PCLO: variants seen among roughly 807,000 people sequenced by gnomAD.
PCLO encodes protein piccolo.
Under a neutral mutation model 427.5 loss-of-function variants are expected in PCLO, and 82 were observed. The ratio of observed to expected loss-of-function variants is 0.19; its 90% confidence interval spans 0.16 to 0.23. The LOEUF (loss-of-function observed/expected upper bound fraction) is 0.23, where lower values mean the gene tolerates loss of function less well. PCLO is among the 10% of genes least tolerant of loss of function. The pLI, the probability that PCLO is intolerant of heterozygous loss-of-function variation, is 1.00. For synonymous variants in PCLO, 2,357 were observed against 2,155.4 expected (o/e 1.09, Z -2.59); for missense variants, 6,239 against 6,115.9 (o/e 1.02, Z -0.67).
intron 6 of PCLO, among the ~76,000 whole-genome samples, chr7:82,945,042 A>T (rs924481288): frequency 6.6e-6 from 1 of 152,184 alleles, no homozygotes; most frequent in Non-Finnish European, 1.5e-5. Context: ...ATGAAAATAC[A>T]GTATTACTAA....
chr7:82,877,598 T>A (rs1793404025), intron 10 of PCLO, among the ~76,000 whole-genome samples: 1 of 152,192 alleles, frequency 6.6e-6, no homozygotes, highest in Non-Finnish European at 1.5e-5. Context: ...TTCCTTTCAT[T>A]GAGCTATCTG....
At chr7:82,905,620 C>T (rs1794171021) in intron 8 of PCLO, among the ~76,000 whole-genome samples, 1 of 151,968 alleles carries the variant, frequency 6.6e-6, no homozygotes, top group Non-Finnish European at 1.5e-5. Context: ...TCAGGGGAGT[C>T]TTCTTGCATC....
chr7:83,126,671 A>C (rs554980526), intron 3 of PCLO, among the ~76,000 whole-genome samples: 75 of 152,104 alleles, frequency 4.9e-4, no homozygotes, highest in Non-Finnish European at 9.0e-4. Flanking sequence ...TAAATTGATA[A>C]AGATTTAAAT....
At chr7:82,789,043 A>G (rs1254327281) in intron 22 of PCLO, among the ~76,000 whole-genome samples, 1 of 152,054 alleles carries the variant, frequency 6.6e-6, no homozygotes, top group Non-Finnish European at 1.5e-5. Context: ...TAAATACTTT[A>G]TTAAGAAAAC....
At chr7:83,068,573 C>T (rs372100890) in intron 3 of PCLO, among the ~76,000 whole-genome samples, 3 of 151,938 alleles carry the variant, frequency 2.0e-5, no homozygotes, top group African/African-American at 7.3e-5. Context: ...ATCAAAATTA[C>T]GAATAAGATA....
chr7:82,953,690 G>A lies in PCLO; in HGVS notation c.7263C>T (p.Pro2421=), dbSNP rs1562880056. The change falls in exon 5 of 25, where the codon CCC becomes CCT. Residue 2421 remains proline (P), a synonymous_variant. Transcript: ENST00000333891. ...GTGGAGGAAGTGGTGGGGGAGGAGGGGGTGGTGGTGGAGGAGGAGGAGGAG... is the reference window on the plus strand; with the variant it reads ...GTGGAGGAAGTGGTGGGGGAGGAGGAGGTGGTGGTGGAGGAGGAGGAGGAG... ...PPPPPPPPPP[P]PPPPPLPPPT... The A allele has an allele frequency of 5.6e-6, 6 of 1,068,044 alleles. No homozygotes were observed. Among genetic ancestry groups the A allele is most frequent in the Admixed American group, 2.1e-5 (1 of 47,034 alleles). The allele number at this position is 1,068,044 out of a possible 1,614,324, so 66.2% of individuals were successfully genotyped here.
intron 3 of PCLO, among the ~76,000 whole-genome samples, chr7:83,127,185 TACA>T (rs1486206113): frequency 2.0e-5 from 3 of 152,032 alleles, no homozygotes; most frequent in Admixed American, 2.0e-4. Flanking sequence ...ACCTTATAAA[TACA>T]ACGATACCTT....
chr7:82,761,659 T>G, intron 22 of PCLO, among the ~76,000 whole-genome samples, 166 bp from the exon 23 acceptor site: 1 of 152,180 alleles, frequency 6.6e-6, no homozygotes, highest in Middle Eastern at 3.4e-3. Flanking sequence ...TCTGTATATT[T>G]ATTTACAGGT....
intron 6 of PCLO, among the ~76,000 whole-genome samples, chr7:82,944,137 T>TAAAAAAAAAAAA: frequency 3.0e-5 from 1 of 33,890 alleles, no homozygotes; most frequent in Non-Finnish European, 5.1e-5. Flanking sequence ...CAAGAATCCA[T>TAAAAAAAAAAAA]AAAAAAAAAA....
At chr7:83,029,966 T>G (rs1304940822) in intron 3 of PCLO, among the ~76,000 whole-genome samples, 5 of 72,744 alleles carry the variant, frequency 6.9e-5, no homozygotes, top group South Asian at 5.7e-4. Context: ...TGTTGTGGGG[T>G]GGGGGGAGGG....
chr7:82,800,246 A>C (rs768590053), intron 22 of PCLO, among the ~76,000 whole-genome samples: 26 of 152,324 alleles, frequency 1.7e-4, no homozygotes, highest in Admixed American at 5.9e-4. Flanking sequence ...TAGACCCAGC[A>C]TTTGTCAGAT....
rs1000204147 is a variant in PCLO, at chr7:82,946,244, C to T, written c.11112+3232G>A. Among the ~76,000 whole-genome samples, 3 of 152,060 alleles carry T rather than the reference C, an allele frequency of 2.0e-5. No homozygotes were observed. The South Asian group carries it at 6.2e-4, about 31-fold the overall frequency. ...AGAGTCTTTTCAATATAAATCTTTT[C>T]CCATTCCTTCTATGATTATAATCTT... On this transcript the variant is annotated intron_variant, in intron 6 of 24. Coordinates refer to ENST00000333891, the MANE Select transcript of PCLO (RefSeq NM_033026.6).
intron 3 of PCLO, among the ~76,000 whole-genome samples, chr7:83,022,897 T>A (rs1788381134): frequency 6.6e-6 from 1 of 152,330 alleles, no homozygotes; most frequent in South Asian, 2.1e-4. Flanking sequence ...GGACAAAAGT[T>A]GAAACATAAT....
intron 8 of PCLO, among the ~76,000 whole-genome samples, chr7:82,906,147 T>G (rs572937424): frequency 6.6e-6 from 1 of 152,068 alleles, no homozygotes; most frequent in African/African-American, 2.4e-5. Flanking sequence ...TTTTTATAAT[T>G]AATATGATTG....
chr7:83,107,171 A>T (rs780270745), intron 3 of PCLO, among the ~76,000 whole-genome samples: 2 of 152,176 alleles, frequency 1.3e-5, no homozygotes, highest in Non-Finnish European at 2.9e-5. Flanking sequence ...CCGGGTGATA[A>T]GCATAGTACC....
At chr7:83,045,590 G>A (rs965775277) in intron 3 of PCLO, among the ~76,000 whole-genome samples, 1 of 152,050 alleles carries the variant, frequency 6.6e-6, no homozygotes, top group Non-Finnish European at 1.5e-5. Flanking sequence ...CTATTAGTAA[G>A]TTCTTTAGTT....
chr7:82,816,054 A>T (rs527289572), intron 20 of PCLO, among the ~76,000 whole-genome samples: 169 of 152,216 alleles, frequency 1.1e-3, no homozygotes, highest in African/African-American at 3.8e-3. Flanking sequence ...CATGTACAGC[A>T]CAGTAATAAA....
chr7:82,847,318 A>C, intron 10 of PCLO, 71 bp from the exon 11 acceptor site: 2 of 819,006 alleles, frequency 2.4e-6, no homozygotes, highest in African/African-American at 3.4e-5. Context: ...GGCATTGAAG[A>C]CATTTATTTG....
chr7:82,972,723 C>T (rs1479937417), intron 3 of PCLO, among the ~76,000 whole-genome samples: 1 of 152,048 alleles, frequency 6.6e-6, no homozygotes, highest in East Asian at 1.9e-4. Context: ...GAGATTGGTA[C>T]TATTACATCA....
Sources: gnomAD v4.1 joint callset for allele counts (sites outside exome capture counted in the v4.1 genomes callset) on GRCh38, gnomAD v4.1.1 for gene constraint, MANE v1.5 for transcripts, NCBI Gene and HGNC (gene_info 2026-07-23, HGNC 2026-07-21) for gene names.